The following TMPRSS11F variants were observed in gnomAD, a reference collection of about 807,000 sequenced individuals.
TMPRSS11F encodes transmembrane protease serine 11F.
TMPRSS11F carries 47 observed loss-of-function variants against 60.2 expected under a neutral mutation model. The ratio of observed to expected loss-of-function variants is 0.78; its 90% CI spans 0.62 to 1.00. The LOEUF is 1.00. TMPRSS11F is among the 50% of genes least tolerant of loss of function. TMPRSS11F has a pLI of 0.00. For synonymous variants in TMPRSS11F, 166 were observed against 167.3 expected (o/e 0.99, Z 0.06); for missense variants, 519 against 522.9 (o/e 0.99, Z 0.07).
chr4:68,114,822 G>A (rs1229530397), intron 1 of TMPRSS11F, among the ~76,000 whole-genome samples: 1 of 151,452 alleles, frequency 6.6e-6, no homozygotes, highest in Non-Finnish European at 1.5e-5. Context: ...AAAAACAAGT[G>A]AGATTTATCT....
intron 1 of TMPRSS11F, among the ~76,000 whole-genome samples, chr4:68,123,133 A>G (rs754023063): frequency 2.4e-4 from 37 of 152,238 alleles, no homozygotes; most frequent in Admixed American, 1.6e-3. Context: ...AATGTTTCAC[A>G]TTCTTCTAAA....
At chr4:68,119,573 A>T (rs1724584137) in intron 1 of TMPRSS11F, among the ~76,000 whole-genome samples, 2 of 152,094 alleles carry the variant, frequency 1.3e-5, no homozygotes, top group South Asian at 2.1e-4. Flanking sequence ...TGCTAAATCC[A>T]CTTTGCCTGT....
chr4:68,122,340 C>A (rs1403227174), intron 1 of TMPRSS11F, among the ~76,000 whole-genome samples: 1 of 152,032 alleles, frequency 6.6e-6, no homozygotes, highest in African/African-American at 2.4e-5. Flanking sequence ...TCTCTATTTG[C>A]ATGAAAATCC....
chr4:68,078,535 G>A (rs749552879), intron 3 of TMPRSS11F, among the ~76,000 whole-genome samples: 1 of 152,164 alleles, frequency 6.6e-6, no homozygotes, highest in South Asian at 2.1e-4. Flanking sequence ...TATATCCAAT[G>A]TTCCACACAT....
chr4:68,085,881 C>A (rs1388389677), intron 3 of TMPRSS11F, among the ~76,000 whole-genome samples: 2 of 152,156 alleles, frequency 1.3e-5, no homozygotes, highest in Non-Finnish European at 2.9e-5. Context: ...ATTCATAAAA[C>A]AAGTTCTTCT....
At chr4:68,081,462 GA>G (rs1723695548) in intron 3 of TMPRSS11F, among the ~76,000 whole-genome samples, 1 of 152,176 alleles carries the variant, frequency 6.6e-6, no homozygotes. Context: ...TTGAGGTGTG[GA>G]ATCTTAGCAG....
intron 1 of TMPRSS11F, among the ~76,000 whole-genome samples, chr4:68,126,179 G>A (rs371830712): frequency 1.3e-5 from 2 of 152,016 alleles, no homozygotes; most frequent in African/African-American, 2.4e-5. Flanking sequence ...GTGTGTATGT[G>A]TGTATTTGTT....
At position 68,068,639 on chromosome 4, in the gene TMPRSS11F, G is replaced by A; in HGVS notation, c.734C>T (p.Thr245Ile). 1 of 1,614,124 alleles carries A rather than the reference G, an allele frequency of 6.2e-7. No homozygotes were observed. The highest frequency in any genetic ancestry group is 1.3e-5 in the African/African-American group (1 of 75,056). ...ASLISNTWLL[T>I]AAHCFWKNKD... ...TTACTTCCAAAAGCAGTGAGCTGCT[G>A]TGAGCAGCCATGTGTTACTGATGAG... Residue 245 changes from threonine (T) to isoleucine (I), a missense_variant, in exon 7 of 10, where the codon ACA (threonine) becomes ATA (isoleucine). By Grantham distance (89) the Thr-to-Ile change is moderately conservative. Transcript: ENST00000356291.
intron 8 of TMPRSS11F, chr4:68,061,835 C>T: frequency 2.3e-6 from 1 of 433,240 alleles, no homozygotes; most frequent in Non-Finnish European, 4.6e-6. Flanking sequence ...TGCAAGGGAC[C>T]AGCACAGTGA....
chr4:68,085,015 G>T (rs1199244956), intron 3 of TMPRSS11F, among the ~76,000 whole-genome samples: 1 of 130,950 alleles, frequency 7.6e-6, no homozygotes, highest in Non-Finnish European at 1.6e-5. Flanking sequence ...ATAGTTTACT[G>T]AGAATGATGA....
At chr4:68,092,646 T>C (rs1369171720) in intron 2 of TMPRSS11F, among the ~76,000 whole-genome samples, 2 of 152,124 alleles carry the variant, frequency 1.3e-5, no homozygotes, top group Non-Finnish European at 2.9e-5. Flanking sequence ...ACATATATTA[T>C]CTTATTAAAT....
At chr4:68,108,135 AC>A (rs1724339357) in intron 1 of TMPRSS11F, among the ~76,000 whole-genome samples, 1 of 152,206 alleles carries the variant, frequency 6.6e-6, no homozygotes, top group African/African-American at 2.4e-5. Context: ...GATGCTAGCA[AC>A]GAGGAAATCA....
At position 68,090,640 on chromosome 4, in the gene TMPRSS11F, A is replaced by T. The variant is rs1045507794; in HGVS notation, c.165T>A (p.Asp55Glu). The change falls in exon 3 of 10, where the codon GAT becomes GAA. Residue 55 changes from aspartate (D) to glutamate (E), a missense_variant and splice_region_variant. Coordinates refer to ENST00000356291, the MANE Select transcript of TMPRSS11F (RefSeq NM_207407.2). The part of the protein sequence containing the change: ...IGIVTHFVVE[D>E]DKSFYYLASF... ...AGGCAAGGTAATAGAAAGACTTATCATCTGAAAGGTAAAACAAACAAAAGT... is the reference window on the plus strand; with the variant it reads ...AGGCAAGGTAATAGAAAGACTTATCTTCTGAAAGGTAAAACAAACAAAAGT... 6.3e-7 allele frequency: 1 copy of T among 1,591,272 alleles called. No homozygotes were observed. The highest frequency in any genetic ancestry group is 8.6e-7 in the Non-Finnish European group (1 of 1,168,410).
At chr4:68,104,499 C>T (rs987729227) in intron 1 of TMPRSS11F, among the ~76,000 whole-genome samples, 1 of 152,056 alleles carries the variant, frequency 6.6e-6, no homozygotes, top group Non-Finnish European at 1.5e-5. Flanking sequence ...CTTTTCCCTG[C>T]CTTCACGCTG....
chr4:68,113,414 TA>T (rs35420726), intron 1 of TMPRSS11F, among the ~76,000 whole-genome samples: 2,002 of 146,370 alleles, frequency 0.014, 51 homozygotes, highest in African/African-American at 0.047. Flanking sequence ...ATGAAAAATG[TA>T]AAAAAAAAAA....
Position 68,053,785 on chromosome 4 carries a change from G to A in TMPRSS11F, c.*124C>T. On this transcript the variant is annotated 3_prime_UTR_variant, in exon 10 of 10. Transcript: ENST00000356291. The stretch of plus-strand genomic sequence containing the variant: ...CCACCTCAGGATATTAGATTTGTCT[G>A]GGTCTGAAGGGCTTCTTGACATCTA... The A allele has an allele frequency of 1.1e-6, 1 of 928,810 alleles. No homozygotes were observed. The highest frequency in any genetic ancestry group is 1.6e-6 in the Non-Finnish European group (1 of 625,820). 57.5% of individuals were successfully genotyped at this position (928,810 alleles called of 1,614,324 possible). A position where few individuals can be genotyped will look rare whatever the true frequency, so the allele number is the denominator to read the frequency against.
At chr4:68,102,133 C>T (rs1332788937) in intron 1 of TMPRSS11F, among the ~76,000 whole-genome samples, 10 of 152,156 alleles carry the variant, frequency 6.6e-5, no homozygotes, top group Admixed American at 2.6e-4. Flanking sequence ...GGCTCATCCA[C>T]GCATGGCAAA....
chr4:68,054,130 T>C, intron 9 of TMPRSS11F, 63 bp from the exon 10 acceptor site: 1 of 1,489,452 alleles, frequency 6.7e-7, no homozygotes, highest in South Asian at 1.2e-5. Context: ...GGTATTGTAA[T>C]CTGACGTTCA....
chr4:68,102,400 T>C (rs1724211667), intron 1 of TMPRSS11F, among the ~76,000 whole-genome samples: 1 of 152,176 alleles, frequency 6.6e-6, no homozygotes, highest in African/African-American at 2.4e-5. Context: ...CTCCATACTG[T>C]TTTTAAAAAT....
Sources: gnomAD v4.1 joint callset for allele counts (sites outside exome capture counted in the v4.1 genomes callset) on GRCh38, gnomAD v4.1.1 for gene constraint, MANE v1.5 for transcripts, NCBI Gene and HGNC (gene_info 2026-07-23, HGNC 2026-07-21) for gene names.